Variants in SLC68A1 observed in about 807,000 individuals in gnomAD.
The protein encoded by SLC68A1 is solute carrier family 68 member 1.
At chr10:102,465,527 G>GA in the SLC68A1 span, among the ~76,000 whole-genome samples, 5 of 152,218 alleles carry the variant, frequency 3.3e-5, no homozygotes, top group African/African-American at 1.2e-4. Flanking sequence ...CTAAGAGGTT[G>GA]ACATTAACAT....
chr10:102,473,524 C>A, the SLC68A1 span: 1 of 1,550,492 alleles, frequency 6.4e-7, no homozygotes, highest in Non-Finnish European at 8.7e-7. Context: ...CTCACTGGCA[C>A]TGCAGCAGTG....
the SLC68A1 span, chr10:102,468,984 A>C: frequency 6.4e-7 from 1 of 1,565,042 alleles, no homozygotes; most frequent in Non-Finnish European, 8.7e-7. Context: ...GCCTGTGGCC[A>C]TGAGCCCTCC....
chr10:102,468,185 TCTTC>T, the SLC68A1 span: 2 of 152,264 alleles, frequency 1.3e-5, no homozygotes, highest in African/African-American at 4.8e-5. Context: ...TCCCTTCCCG[TCTTC>T]CTTATCAATA....
the SLC68A1 span, among the ~76,000 whole-genome samples, chr10:102,473,201 G>A: frequency 6.6e-6 from 1 of 152,120 alleles, no homozygotes; most frequent in Non-Finnish European, 1.5e-5. Flanking sequence ...GGGTGTTGAG[G>A]GGGGCGGAGG....
At chr10:102,461,402 AC>A in the SLC68A1 span, 1 of 152,224 alleles carries the variant, frequency 6.6e-6, no homozygotes, top group Non-Finnish European at 1.5e-5. Flanking sequence ...ATTGGCTCGC[AC>A]CTGGCTCCCG....
chr10:102,471,852 A>C, the SLC68A1 span, among the ~76,000 whole-genome samples: 1 of 151,898 alleles, frequency 6.6e-6, no homozygotes, highest in Non-Finnish European at 1.5e-5. Context: ...TTGAGTAGTC[A>C]GGAGGCCTGG....
the SLC68A1 span, chr10:102,470,194 C>A: frequency 1.1e-6 from 1 of 935,278 alleles, no homozygotes. Flanking sequence ...CAGTGTTGCC[C>A]ATGGCTCTTC....
the SLC68A1 span, chr10:102,470,926 G>C: frequency 2.7e-5 from 44 of 1,613,244 alleles, 1 homozygote; most frequent in Middle Eastern, 1.6e-3. Context: ...TCTTCAGCGC[G>C]GCCGGCTCCC....
the SLC68A1 span, chr10:102,473,810 C>T: frequency 2.5e-6 from 4 of 1,609,092 alleles, no homozygotes; most frequent in East Asian, 6.7e-5. Flanking sequence ...CTCTCTCCCT[C>T]TACTGCAGCA....
At chr10:102,474,170 T>C in the SLC68A1 span, among the ~76,000 whole-genome samples, 2 of 152,252 alleles carry the variant, frequency 1.3e-5, no homozygotes, top group African/African-American at 4.8e-5. Flanking sequence ...GATTCCGCCA[T>C]GCTTTCTTAG....
At chr10:102,475,800 C>A in the SLC68A1 span, 2 of 1,614,112 alleles carry the variant, frequency 1.2e-6, no homozygotes, top group Non-Finnish European at 1.7e-6. Context: ...GCTCCAGCCC[C>A]TGCACAGGCC....
the SLC68A1 span, chr10:102,470,098 G>C: frequency 6.2e-7 from 1 of 1,609,232 alleles, no homozygotes; most frequent in South Asian, 1.1e-5. Context: ...GGAACAGCTC[G>C]TAATTGGTTC....
chr10:102,476,172 A>G, the SLC68A1 span: 99 of 1,052,820 alleles, frequency 9.4e-5, no homozygotes, highest in South Asian at 1.5e-3. Flanking sequence ...GGTTCAAGCA[A>G]TTATCCTGCC....
At chr10:102,469,934 A>G in the SLC68A1 span, 44 of 1,576,642 alleles carry the variant, frequency 2.8e-5, no homozygotes, top group Non-Finnish European at 3.6e-5. Context: ...CTGAGGGGGG[A>G]GGAGCCCTGG....
chr10:102,473,635 G>T, the SLC68A1 span: 1 of 1,614,090 alleles, frequency 6.2e-7, no homozygotes, highest in East Asian at 2.2e-5. Flanking sequence ...GCGCTGGGGC[G>T]TCTACGCGGT....
chr10:102,470,599 G>A, the SLC68A1 span: 1 of 1,561,254 alleles, frequency 6.4e-7, no homozygotes, highest in African/African-American at 1.4e-5. Context: ...TGGGGCCTGG[G>A]CAAGGGGAAC....
chr10:102,474,087 C>CCA, the SLC68A1 span: 1 of 1,449,308 alleles, frequency 6.9e-7, no homozygotes, highest in Non-Finnish European at 9.2e-7. Flanking sequence ...GGCTGGCAAG[C>CCA]CTGGGCTCTG....
the SLC68A1 span, chr10:102,473,763 C>T: frequency 6.2e-7 from 1 of 1,609,130 alleles, no homozygotes; most frequent in Non-Finnish European, 8.5e-7. Context: ...CCCACGCTCC[C>T]CGCAACACCT....
the SLC68A1 span, among the ~76,000 whole-genome samples, chr10:102,472,546 A>G: frequency 6.6e-6 from 1 of 152,202 alleles, no homozygotes; most frequent in Non-Finnish European, 1.5e-5. Flanking sequence ...TGCTAGGATT[A>G]CAAGTGTGAG....
Sources: gnomAD v4.1 joint callset for allele counts (sites outside exome capture counted in the v4.1 genomes callset) on GRCh38, gnomAD v4.1.1 for gene constraint, MANE v1.5 for transcripts, NCBI Gene and HGNC (gene_info 2026-07-23, HGNC 2026-07-21) for gene names.